Variants in SBNO2 observed in about 807,000 individuals in gnomAD.
The protein encoded by SBNO2 is protein strawberry notch homolog 2.
Under a neutral mutation model 146.3 loss-of-function variants are expected in SBNO2, and 89 were observed. The ratio of observed to expected loss-of-function variants is 0.61; its 90% CI spans 0.51 to 0.73. SBNO2 has a LOEUF of 0.73. Ranked by LOEUF, SBNO2 falls within the 30% of genes least tolerant of loss-of-function variation. The pLI, the probability that SBNO2 is intolerant of heterozygous loss-of-function variation, is 0.00. For synonymous variants in SBNO2, 1,147 were observed against 892.6 expected (o/e 1.29, Z -5.08); for missense variants, 2,092 against 2,003.7 (o/e 1.04, Z -0.84).
At position 1,147,431 on chromosome 19, in the gene SBNO2, ATGGGGG is replaced by A; in HGVS notation, c.168-17_168-12del. ...GAGCTCATGAACGGGCTGGAGGGAGATGGGGGGGGGGGAGGTGAGATGGGGTGCTCA... is the reference window on the plus strand; with the variant it reads ...GAGCTCATGAACGGGCTGGAGGGAGAGGGGGGAGGTGAGATGGGGTGCTCA... On this transcript the variant is annotated splice_polypyrimidine_tract_variant and intron_variant, in intron 3 of 31. Coordinates refer to ENST00000361757, the MANE Select transcript of SBNO2 (RefSeq NM_014963.3). The A allele has an allele frequency of 5.1e-5, 30 of 590,986 alleles. No homozygotes were observed. The highest frequency in any genetic ancestry group is 7.3e-5 in the Non-Finnish European group (28 of 381,544). 36.6% of individuals were successfully genotyped at this position (590,986 alleles called of 1,614,324 possible).
At chr19:1,165,540 C>T (rs2080405233) in intron 1 of SBNO2, among the ~76,000 whole-genome samples, 1 of 151,992 alleles carries the variant, frequency 6.6e-6, no homozygotes, top group Non-Finnish European at 1.5e-5. Context: ...AATGTGAGGC[C>T]GATGCCTTTT....
Position 1,112,799 on chromosome 19 carries a change from G to C in SBNO2, c.2379+19C>G, listed in dbSNP as rs982298105. ...TCTTGGGTCCCGTGGGCCGCGCCCAGTGCACTGCAGCCCCGCACCTTCTCG... is the reference window on the plus strand; with the variant it reads ...TCTTGGGTCCCGTGGGCCGCGCCCACTGCACTGCAGCCCCGCACCTTCTCG... On this transcript the variant is annotated intron_variant, in intron 20 of 31. Coordinates refer to ENST00000361757, the MANE Select transcript of SBNO2 (RefSeq NM_014963.3). The surrounding 1 kb of genome is among the most constrained non-coding windows in gnomAD (Gnocchi z 5.9). 4 of 1,557,772 alleles carry C rather than the reference G, an allele frequency of 2.6e-6. No homozygotes were observed. The African/African-American group carries it at 5.4e-5, about 21-fold the overall frequency.
chr19:1,154,466 G>A (rs1049736078), intron 1 of SBNO2, 64 bp from the exon 2 acceptor site: 5 of 385,578 alleles, frequency 1.3e-5, no homozygotes, highest in East Asian at 3.7e-5. Context: ...CTCCCCGGCC[G>A]CCTCTCCCTC....
chr19:1,143,089 A>G (rs1208939410), intron 4 of SBNO2, among the ~76,000 whole-genome samples: 4 of 152,180 alleles, frequency 2.6e-5, no homozygotes, highest in African/African-American at 7.2e-5. Flanking sequence ...AGCAGGAAAC[A>G]TTTGCAGGGA....
At chr19:1,122,428 TC>T in intron 10 of SBNO2, 39 bp downstream of exon 10, 1 of 1,545,760 alleles carries the variant, frequency 6.5e-7, no homozygotes. Flanking sequence ...CAGGGCACGG[TC>T]CCCACCTTGC....
At chr19:1,146,633 C>T (rs939439849) in intron 4 of SBNO2, among the ~76,000 whole-genome samples, 1 of 151,498 alleles carries the variant, frequency 6.6e-6, no homozygotes, top group African/African-American at 2.4e-5. Flanking sequence ...CGAACCGTCC[C>T]AGGGAAGCCG....
In SBNO2 at chr19:1,113,531, C is replaced by T. The variant is rs763186025; in HGVS notation, c.2247+4G>A. The T allele has an allele frequency of 1.4e-5, 22 of 1,591,134 alleles. No individual in the cohort carries two copies. The highest frequency in any genetic ancestry group is 2.2e-5 in the South Asian group (2 of 89,182). ...CCACACTCCAGCTGCCACGTCCCAC[C>T]CACCTCCGCCACCCGCTGGGGGCCG... On this transcript the variant is annotated splice_donor_region_variant and intron_variant, in intron 19 of 31. Coordinates refer to ENST00000361757, the MANE Select transcript of SBNO2 (RefSeq NM_014963.3).
Position 1,109,203 on chromosome 19 carries a change from C to T in SBNO2, c.3357G>A (p.Ala1119=), listed in dbSNP as rs764154895. 1.1e-5 allele frequency: 18 copies of T among 1,566,130 alleles called. No individual in the cohort carries two copies. Among genetic ancestry groups the T allele is most frequent in the Non-Finnish European group, 1.5e-5 (17 of 1,156,562 alleles). Residue 1119 remains alanine (A), a synonymous_variant, in exon 30 of 32, where the codon GCG becomes GCA. Coordinates refer to ENST00000361757, the MANE Select transcript of SBNO2 (RefSeq NM_014963.3). This position sits in a 1 kb window ranked among gnomAD's most constrained non-coding sequence, Gnocchi z 4.2. Reference sequence around the variant, plus strand: ...TCTCCCAGGGCTCCTTGGCCTCCTCCGCGGTGACCTAGGGACACAGGGCCG... The same window carrying T: ...TCTCCCAGGGCTCCTTGGCCTCCTCTGCGGTGACCTAGGGACACAGGGCCG... The part of the protein sequence containing the change: ...SLRRKFHRVT[A]EEAKEPWESG...
intron 4 of SBNO2, among the ~76,000 whole-genome samples, chr19:1,146,420 G>A (rs2080190285): frequency 6.6e-6 from 1 of 152,134 alleles, no homozygotes; most frequent in South Asian, 2.1e-4. Flanking sequence ...ACACCTGACC[G>A]CTTCTCTCTG....
chr19:1,118,966 C>T (rs1479637719), intron 14 of SBNO2, 45 bp downstream of exon 14: 1 of 1,541,178 alleles, frequency 6.5e-7, no homozygotes, highest in East Asian at 2.4e-5. Flanking sequence ...AGCAATTTCA[C>T]CCGGGAAACG....
At chr19:1,133,834 C>G (rs78468943) in intron 4 of SBNO2, among the ~76,000 whole-genome samples, 31 of 152,306 alleles carry the variant, frequency 2.0e-4, no homozygotes, top group African/African-American at 7.5e-4. Flanking sequence ...ACCAGCTCCA[C>G]GCAAAAAACC....
rs200065181 is a variant in SBNO2, at chr19:1,147,348, G to A, written c.240C>T (p.Thr80=). 40 of 1,571,928 alleles carry A rather than the reference G, an allele frequency of 2.5e-5. No homozygotes were observed. Among genetic ancestry groups the A allele is most frequent in the Non-Finnish European group, 1.5e-5 (17 of 1,163,444 alleles). Residue 80 remains threonine, a synonymous_variant, in exon 4 of 32, where the codon ACC becomes ACT. Transcript: ENST00000361757. Reference sequence around the variant, plus strand: ...AGGTCTTTGGTGGCAAGCTGGAGGCGGTGGCCACGGGGGCATAGCTGGTGT... The same window carrying A: ...AGGTCTTTGGTGGCAAGCTGGAGGCAGTGGCCACGGGGGCATAGCTGGTGT... ...CPDTSYAPVA[T]ASSLPPKTCD...
chr19:1,109,793 G>T lies in SBNO2; in HGVS notation c.3029-16C>A, dbSNP rs779575130. The T allele has an allele frequency of 4.8e-5, 74 of 1,551,782 alleles. No individual in the cohort carries two copies. Among genetic ancestry groups the T allele is most frequent in the Middle Eastern group, 3.7e-4 (2 of 5,400 alleles). On this transcript the variant is annotated splice_polypyrimidine_tract_variant and intron_variant, in intron 26 of 31. Coordinates refer to ENST00000361757, the MANE Select transcript of SBNO2 (RefSeq NM_014963.3). This position sits in a 1 kb window ranked among gnomAD's most constrained non-coding sequence, Gnocchi z 4.2. ...GGAGCAAGGTCTAGGGGGGCGGGTG[G>T]AGGGTAAGTGGTGTCCAGGCCTGGG...
At chr19:1,149,264 A>C (rs1461597030) in intron 3 of SBNO2, 105 bp downstream of exon 3, 1 of 1,079,848 alleles carries the variant, frequency 9.3e-7, no homozygotes, top group African/African-American at 1.6e-5. Context: ...CAAACCCCTC[A>C]ACAAGACTTT....
chr19:1,172,813 A>G (rs1461072181), intron 1 of SBNO2, among the ~76,000 whole-genome samples: 1 of 98,836 alleles, frequency 1.0e-5, no homozygotes, highest in Non-Finnish European at 1.8e-5. Flanking sequence ...AGCCAGCATC[A>G]GCACAGGCCA....
chr19:1,165,070 C>T (rs1338445725), intron 1 of SBNO2, among the ~76,000 whole-genome samples: 1 of 152,010 alleles, frequency 6.6e-6, no homozygotes, highest in Non-Finnish European at 1.5e-5. Context: ...GCAAACAAGG[C>T]GTCCAGCCCG....
intron 17 of SBNO2, chr19:1,115,741 G>A (rs1029306398): frequency 1.1e-5 from 6 of 536,462 alleles, no homozygotes; most frequent in African/African-American, 9.7e-5. Context: ...GAGGGGTCTC[G>A]CTCAGCACCC....
Position 1,109,039 on chromosome 19 carries a change from G to A in SBNO2, c.3426-70C>T, listed in dbSNP as rs1032869794. On this transcript the variant is annotated intron_variant, in intron 30 of 31. Transcript: ENST00000361757. The surrounding 1 kb of genome is among the most constrained non-coding windows in gnomAD (Gnocchi z 4.2). ...CCCGCAGGCTCCCCAGGTGCCCTGA[G>A]ATCTCCCGCCTCCTCTCAGGGTCTC... The A allele has an allele frequency of 4.7e-6, 7 of 1,500,364 alleles. No individual in the cohort carries two copies. Among genetic ancestry groups the A allele is most frequent in the Admixed American group, 2.1e-5 (1 of 46,910 alleles). The allele number at this position is 1,500,364 out of a possible 1,614,324, so 92.9% of individuals were successfully genotyped here. A position where few individuals can be genotyped will look rare whatever the true frequency, so the allele number is the denominator to read the frequency against.
At chr19:1,113,850 G>A (rs1277009091) in intron 18 of SBNO2, 146 bp from the exon 19 acceptor site, 5 of 1,088,988 alleles carry the variant, frequency 4.6e-6, no homozygotes, top group Non-Finnish European at 6.1e-6. Flanking sequence ...CCGGCACCGT[G>A]GCCCAGGACT....
Sources: allele counts gnomAD v4.1 joint callset (sites outside exome capture counted in the v4.1 genomes callset), GRCh38; gene constraint gnomAD v4.1.1; non-coding constraint Gnocchi (gnomAD v3.1); transcripts MANE v1.5; gene names NCBI Gene and HGNC (gene_info 2026-07-23, HGNC 2026-07-21).